The following TAF4 variants were observed in gnomAD, a reference collection of about 807,000 sequenced individuals.
The protein encoded by TAF4 is transcription initiation factor TFIID subunit 4.
TAF4 carries 9 observed loss-of-function variants against 90.3 expected under a neutral mutation model. That is an observed-to-expected ratio of 0.10 (90% CI 0.06 to 0.17). The LOEUF is 0.17. Ranked by LOEUF, TAF4 falls within the 10% of genes least tolerant of loss-of-function variation. The pLI, the probability that TAF4 is intolerant of heterozygous loss-of-function variation, is 1.00. For missense variants in TAF4, 1,351 were observed against 1,370.7 expected (o/e 0.99, Z 0.23); for synonymous variants, 818 against 638.9 (o/e 1.28, Z -4.23).
intron 2 of TAF4, among the ~76,000 whole-genome samples, chr20:62,014,170 C>A (rs1433450891): frequency 6.6e-6 from 1 of 152,054 alleles, no homozygotes; most frequent in Non-Finnish European, 1.5e-5. Context: ...GGCGGTCCTG[C>A]CAGTGGAGTC....
At chr20:61,981,178 A>G (rs6142696) in intron 14 of TAF4, 18,011 of 152,312 alleles carry the variant, frequency 0.12, 1,403 homozygotes, top group East Asian at 0.45. Flanking sequence ...AGCAGACGGC[A>G]CCAGGAAACC....
chr20:61,985,750 GTGTTC>G (rs1397702488), intron 14 of TAF4, among the ~76,000 whole-genome samples: 2 of 151,610 alleles, frequency 1.3e-5, no homozygotes, highest in East Asian at 3.9e-4. Context: ...GAAGGCCGCT[GTGTTC>G]AGCACAGGTG....
chr20:62,011,824 G>A (rs1001286608), intron 3 of TAF4, among the ~76,000 whole-genome samples: 2 of 152,328 alleles, frequency 1.3e-5, no homozygotes, highest in South Asian at 2.1e-4. Flanking sequence ...TTCACCAGCA[G>A]CGACCAACAC....
intron 1 of TAF4, 121 bp from the exon 2 acceptor site, chr20:62,014,828 AC>A (rs765059588): frequency 3.0e-6 from 4 of 1,339,798 alleles, no homozygotes; most frequent in African/African-American, 1.5e-5. Flanking sequence ...CAAGTCTTAA[AC>A]ACACGAATCC....
At chr20:61,987,142 C>T (rs902591439) in intron 14 of TAF4, among the ~76,000 whole-genome samples, 2 of 152,220 alleles carry the variant, frequency 1.3e-5, no homozygotes, top group African/African-American at 2.4e-5. Flanking sequence ...TCTGAGGACA[C>T]GCCAGCCGGC....
rs116972435 is a variant in TAF4, at chr20:62,044,973, G to C, written c.1360+19478C>G. Among the ~76,000 whole-genome samples, 1,516 of 152,282 alleles carry C rather than the reference G, an allele frequency of 1.0e-2. 13 individuals are homozygous for C. Among genetic ancestry groups the C allele is most frequent in the Non-Finnish European group, 0.013 (886 of 68,008 alleles). On this transcript the variant is annotated intron_variant, in intron 1 of 14. Transcript: ENST00000252996. ...ATGGGCACAGGGAGCAGTCCGACAT[G>C]GCAATGGACAAGCCACTCAGCCCAG...
Position 62,065,396 on chromosome 20 carries a change from G to C in TAF4, c.415C>G (p.Pro139Ala), listed in dbSNP as rs2056124410. 2.1e-6 allele frequency: 2 copies of C among 973,102 alleles called. No homozygotes were observed. Among genetic ancestry groups the C allele is most frequent in the Non-Finnish European group, 2.4e-6 (2 of 823,422 alleles). 60.3% of individuals were successfully genotyped at this position (973,102 alleles called of 1,614,324 possible). A position where few individuals can be genotyped will look rare whatever the true frequency, so the allele number is the denominator to read the frequency against. The change falls in exon 1 of 15, where the codon CCG (proline) becomes GCG (alanine). Residue 139 changes from proline (P) to alanine (A), a missense_variant. Pro to Ala is a conservative substitution (Grantham distance 27). Coordinates refer to ENST00000252996, the MANE Select transcript of TAF4 (RefSeq NM_003185.4). ...PPEGSAGSCA[P>A]VPAAAAVAAG... ...GCGACGGCGGCGGCGGCGGGCACCG[G>C]GGCGCAGGACCCCGCGCTGCCCTCG...
intron 1 of TAF4, among the ~76,000 whole-genome samples, chr20:62,061,697 T>A (rs1264574181): frequency 6.6e-6 from 1 of 152,236 alleles, no homozygotes; most frequent in Admixed American, 6.5e-5. Flanking sequence ...AAGCTGTACA[T>A]AACTAGTGCT....
chr20:62,000,068 G>A (rs2055689394), intron 11 of TAF4, 56 bp downstream of exon 11: 2 of 1,613,246 alleles, frequency 1.2e-6, no homozygotes, highest in Admixed American at 1.7e-5. Context: ...CTCCCAGCCA[G>A]CAGAGAGTGG....
At chr20:62,052,167 T>C (rs1328234125) in intron 1 of TAF4, among the ~76,000 whole-genome samples, 5 of 152,060 alleles carry the variant, frequency 3.3e-5, no homozygotes, top group African/African-American at 9.7e-5. Flanking sequence ...GGGTGCAGGC[T>C]AAATGACAGT....
At chr20:62,013,994 C>T (rs2055796368) in intron 2 of TAF4, among the ~76,000 whole-genome samples, 1 of 146,908 alleles carries the variant, frequency 6.8e-6, no homozygotes, top group African/African-American at 2.6e-5. Flanking sequence ...GGAGCTTCGG[C>T]CCTGAAGGCT....
At chr20:62,063,792 A>G (rs532084071) in intron 1 of TAF4, among the ~76,000 whole-genome samples, 3 of 152,254 alleles carry the variant, frequency 2.0e-5, no homozygotes, top group Non-Finnish European at 4.4e-5. Context: ...CGTGGCTCTC[A>G]GCAAGGCTGC....
chr20:62,034,827 C>CTTTTCTTTTTTTTTTTT (rs555793597), intron 1 of TAF4, among the ~76,000 whole-genome samples: 2,561 of 141,112 alleles, frequency 0.018, 102 homozygotes, highest in African/African-American at 0.062. Context: ...TCATAGATTT[C>CTTTTCTTTTTTTTTTTT]TTTTTTTTTT....
At chr20:61,989,345 A>G (rs1261960740) in intron 14 of TAF4, among the ~76,000 whole-genome samples, 1 of 152,134 alleles carries the variant, frequency 6.6e-6, no homozygotes, top group East Asian at 1.9e-4. Flanking sequence ...GCACGTGGCA[A>G]TAAGGAATGC....
At chr20:62,039,509 A>G (rs188746253) in intron 1 of TAF4, among the ~76,000 whole-genome samples, 5 of 152,334 alleles carry the variant, frequency 3.3e-5, no homozygotes, top group African/African-American at 1.2e-4. Flanking sequence ...GGGTTAGGCA[A>G]AAATTTATTT....
At chr20:61,985,069 G>A (rs2055578232) in intron 14 of TAF4, among the ~76,000 whole-genome samples, 1 of 143,032 alleles carries the variant, frequency 7.0e-6, no homozygotes, top group African/African-American at 2.6e-5. Flanking sequence ...ACCACTCCAA[G>A]GGGCACTTCT....
rs766624960 is a variant in TAF4, at chr20:62,003,266, C to G, written c.2380G>C (p.Val794Leu). Residue 794 changes from valine (V) to leucine (L), a missense_variant, in exon 9 of 15, where the codon GTG (valine) becomes CTG (leucine). Val to Leu is a conservative substitution (Grantham distance 32, BLOSUM62 1). Coordinates refer to ENST00000252996, the MANE Select transcript of TAF4 (RefSeq NM_003185.4). ...GTTCCAGGTAACACGGCGGGTTTCACCACAGGGACTACAAAACAAACACAC... is the reference window on the plus strand; with the variant it reads ...GTTCCAGGTAACACGGCGGGTTTCAGCACAGGGACTACAAAACAAACACAC... ...QLNPLQPVPV[V>L]KPAVLPGTKA... 1 of 1,613,786 alleles carries G rather than the reference C, an allele frequency of 6.2e-7. No homozygotes were observed. Among genetic ancestry groups the G allele is most frequent in the Admixed American group, 1.7e-5 (1 of 60,020 alleles).
rs1396767755 is a variant in TAF4 at position 61,986,026 on chromosome 20, C to T, written c.3091-9691G>A. ...AACCAAAGGAAACACCATCCCCCAT[C>T]AAAGGAAACACCATCCCCCATCAAA... On this transcript the variant is annotated intron_variant, in intron 14 of 14. Coordinates refer to ENST00000252996, the MANE Select transcript of TAF4 (RefSeq NM_003185.4). Among the ~76,000 whole-genome samples the T allele has an allele frequency of 4.4e-5, 6 of 137,222 alleles. 1 individual carries two copies. The highest frequency in any genetic ancestry group is 1.6e-4 in the African/African-American group (6 of 37,360). 90.0% of individuals were successfully genotyped at this position (137,222 alleles called of 152,430 possible). A position where few individuals can be genotyped will look rare whatever the true frequency, so the allele number is the denominator to read the frequency against.
intron 1 of TAF4, among the ~76,000 whole-genome samples, chr20:62,023,730 A>C (rs2055857104): frequency 1.4e-5 from 2 of 143,892 alleles, no homozygotes; most frequent in African/African-American, 5.2e-5. Flanking sequence ...CCTGGGCAAC[A>C]GAGCAAGACT....
Sources: gnomAD v4.1 joint callset for allele counts (sites outside exome capture counted in the v4.1 genomes callset) on GRCh38, gnomAD v4.1.1 for gene constraint, MANE v1.5 for transcripts, NCBI Gene and HGNC (gene_info 2026-07-23, HGNC 2026-07-21) for gene names.